DPP10: variants seen among roughly 807,000 people sequenced by gnomAD.
The protein encoded by DPP10 is inactive dipeptidyl peptidase 10.
DPP10 carries 33 observed loss-of-function variants against 120.9 expected under a neutral mutation model. That is an observed-to-expected ratio of 0.27 (90% confidence interval 0.21 to 0.37). The LOEUF is 0.37. Among genes scored for constraint, DPP10 ranks in the 10% least tolerant of loss-of-function variants. The probability of loss-of-function intolerance (pLI) is 1.00; values close to 1 mark genes in which losing one functional copy is unlikely to be tolerated. For missense variants in DPP10, 816 were observed against 942.8 expected (o/e 0.87, Z 1.76); for synonymous variants, 337 against 326.1 (o/e 1.03, Z -0.36).
chr2:115,281,386 A>G (rs1372453996), intron 1 of DPP10, among the ~76,000 whole-genome samples: 2 of 152,170 alleles, frequency 1.3e-5, no homozygotes, highest in African/African-American at 4.8e-5. Flanking sequence ...TTTCAGTTGT[A>G]TTTCAGACAC....
intron 1 of DPP10, among the ~76,000 whole-genome samples, chr2:114,721,297 T>C (rs1287839608): frequency 6.6e-6 from 1 of 152,232 alleles, no homozygotes; most frequent in Non-Finnish European, 1.5e-5. Flanking sequence ...GGCCTTCCCA[T>C]TGCATCCTTA....
intron 5 of DPP10, among the ~76,000 whole-genome samples, chr2:115,600,591 C>T (rs1035522894): frequency 5.3e-5 from 8 of 152,150 alleles, no homozygotes; most frequent in Admixed American, 5.2e-4. Flanking sequence ...GTTTGATTGC[C>T]TCTAAAGCGT....
intron 1 of DPP10, among the ~76,000 whole-genome samples, chr2:114,787,830 T>C (rs2106222582): frequency 6.6e-6 from 1 of 152,360 alleles, no homozygotes; most frequent in East Asian, 1.9e-4. Context: ...CTCTGCTTTG[T>C]AAAGCCTTAT....
intron 1 of DPP10, among the ~76,000 whole-genome samples, chr2:115,132,133 A>G (rs1448993944): frequency 1.3e-5 from 2 of 152,098 alleles, no homozygotes; most frequent in Non-Finnish European, 2.9e-5. Context: ...ATTTGTTGTA[A>G]GAGTTAAGCT....
chr2:115,042,412 A>G (rs1432348143), intron 1 of DPP10, among the ~76,000 whole-genome samples: 6 of 152,074 alleles, frequency 3.9e-5, no homozygotes, highest in Non-Finnish European at 1.5e-5. Context: ...GGTTTCAGGC[A>G]CCCACCACCA....
intron 5 of DPP10, among the ~76,000 whole-genome samples, chr2:115,581,187 T>G (rs2081985347): frequency 6.6e-6 from 1 of 152,200 alleles, no homozygotes; most frequent in South Asian, 2.1e-4. Flanking sequence ...ACTTAATGGC[T>G]CTGATTTTTG....
intron 1 of DPP10, among the ~76,000 whole-genome samples, chr2:115,136,460 A>C (rs976677837): frequency 2.0e-5 from 3 of 152,222 alleles, no homozygotes; most frequent in Non-Finnish European, 4.4e-5. Context: ...GCTACAAAGT[A>C]AAGTCATAAT....
chr2:115,303,659 T>C (rs1321059437), intron 1 of DPP10, among the ~76,000 whole-genome samples: 1 of 151,988 alleles, frequency 6.6e-6, no homozygotes, highest in Non-Finnish European at 1.5e-5. Flanking sequence ...CTTTTACCTT[T>C]ATTTTTTTTA....
intron 3 of DPP10, among the ~76,000 whole-genome samples, chr2:115,457,252 G>GA (rs928660741): frequency 1.3e-4 from 20 of 151,208 alleles, no homozygotes; most frequent in African/African-American, 4.8e-4. Context: ...TACCACAATA[G>GA]AAAAAAAATT....
chr2:115,381,989 G>T (rs1341215515), intron 3 of DPP10, among the ~76,000 whole-genome samples: 1 of 152,166 alleles, frequency 6.6e-6, no homozygotes, highest in African/African-American at 2.4e-5. Flanking sequence ...GTCTGCAGAG[G>T]TTACTGCTGT....
chr2:115,456,047 A>G (rs2073507570), intron 3 of DPP10, among the ~76,000 whole-genome samples: 1 of 152,176 alleles, frequency 6.6e-6, no homozygotes, highest in Non-Finnish European at 1.5e-5. Context: ...AGAATGGGAG[A>G]AAATTTTTGC....
intron 24 of DPP10, among the ~76,000 whole-genome samples, chr2:115,837,883 A>T (rs1359017790): frequency 6.6e-6 from 1 of 152,086 alleles, no homozygotes; most frequent in African/African-American, 2.4e-5. Flanking sequence ...GACCAGAGGA[A>T]GTTTAAAAGA....
chr2:114,925,160 G>A (rs373016493), intron 1 of DPP10, among the ~76,000 whole-genome samples: 64 of 142,028 alleles, frequency 4.5e-4, no homozygotes, highest in African/African-American at 1.5e-3. Flanking sequence ...GCAGTGAGCC[G>A]AGATCATGCC....
At chr2:114,910,144 T>C (rs1447688624) in intron 1 of DPP10, among the ~76,000 whole-genome samples, 1 of 151,810 alleles carries the variant, frequency 6.6e-6, no homozygotes, top group Non-Finnish European at 1.5e-5. Context: ...CATAAATAAA[T>C]AAATAAGATA....
At chr2:115,376,390 A>C (rs2106431350) in intron 3 of DPP10, among the ~76,000 whole-genome samples, 1 of 152,230 alleles carries the variant, frequency 6.6e-6, no homozygotes, top group South Asian at 2.1e-4. Context: ...TCAAAGATTA[A>C]AAAGACTGGG....
chr2:114,876,505 A>G lies in DPP10; in HGVS notation c.61-432734A>G, dbSNP rs373410776. Among the ~76,000 whole-genome samples, 6 of 152,204 alleles carry G rather than the reference A, an allele frequency of 3.9e-5. No homozygotes were observed. In the East Asian group the frequency reaches 9.7e-4, roughly 25 times the overall value. On this transcript the variant is annotated intron_variant, in intron 1 of 25. Coordinates refer to ENST00000410059, the MANE Select transcript of DPP10 (RefSeq NM_020868.6). ...TTTACTAACTTGGGGATTTTGGACA[A>G]TCAGTTTCATCCTTCTTTTACAAAA...
intron 11 of DPP10, 146 bp downstream of exon 11, chr2:115,753,443 T>A: frequency 1.4e-6 from 1 of 699,980 alleles, no homozygotes; most frequent in Non-Finnish European, 2.1e-6. Flanking sequence ...ATTAAGAATA[T>A]ATACTTTAAT....
chr2:114,485,481 G>GGA (rs1295087296), intron 1 of DPP10, among the ~76,000 whole-genome samples: 22 of 149,128 alleles, frequency 1.5e-4, no homozygotes, highest in African/African-American at 5.3e-4. Context: ...TTTTTTGCGG[G>GGA]GAGGGGATCT....
intron 1 of DPP10, among the ~76,000 whole-genome samples, chr2:115,263,117 A>G (rs989558049): frequency 2.0e-5 from 3 of 152,198 alleles, no homozygotes; most frequent in African/African-American, 7.2e-5. Flanking sequence ...TTTTTATTCT[A>G]CAAAATACTA....
Sources: allele counts gnomAD v4.1 joint callset (sites outside exome capture counted in the v4.1 genomes callset), GRCh38; gene constraint gnomAD v4.1.1; transcripts MANE v1.5; gene names NCBI Gene and HGNC (gene_info 2026-07-23, HGNC 2026-07-21).